SH2D4A: variants seen among roughly 807,000 people sequenced by gnomAD.
The protein encoded by SH2D4A is SH2 domain containing 4A.
In SH2D4A, 70 loss-of-function variants were observed where a neutral mutation model predicts 64.7. The observed-to-expected ratio is 1.08, with a 90% CI of 0.89 to 1.32. SH2D4A has a LOEUF of 1.32. Ranked by LOEUF, SH2D4A falls within the 40% of genes most tolerant of loss-of-function variation. The probability of loss-of-function intolerance (pLI) is 0.00; values close to 1 mark genes in which losing one functional copy is unlikely to be tolerated. For synonymous variants in SH2D4A, 268 were observed against 200.7 expected, an observed-to-expected ratio of 1.34 and a Z score of -2.83; for missense variants, 706 against 540.1, an observed-to-expected ratio of 1.31 and a Z score of -3.04.
intron 7 of SH2D4A, among the ~76,000 whole-genome samples, chr8:19,365,459 G>C (rs1317987833): frequency 6.6e-6 from 1 of 152,140 alleles, no homozygotes; most frequent in Admixed American, 6.5e-5. Context: ...AGGTGCACAC[G>C]GCTCTAAGTG....
chr8:19,379,554 A>G (rs545726169), intron 8 of SH2D4A, among the ~76,000 whole-genome samples: 13 of 152,304 alleles, frequency 8.5e-5, no homozygotes, highest in African/African-American at 3.1e-4. Context: ...TTTCAGGATT[A>G]TAGGGTAATT....
intron 8 of SH2D4A, among the ~76,000 whole-genome samples, chr8:19,378,930 A>T (rs1321785547): frequency 6.7e-6 from 1 of 150,364 alleles, no homozygotes; most frequent in Non-Finnish European, 1.5e-5. Context: ...AAAAAAAAAA[A>T]ATATTGCCAG....
At position 19,393,498 on chromosome 8, in the gene SH2D4A, A is replaced by G. The variant is rs769066076; in HGVS notation, c.1229A>G (p.Gln410Arg). The G allele has an allele frequency of 3.1e-6, 5 of 1,614,264 alleles. No homozygotes were observed. Among genetic ancestry groups the G allele is most frequent in the Non-Finnish European group, 4.2e-6 (5 of 1,180,054 alleles). ...GCCTACAGCTTCCTGGGCGTGGACC[A>G]GCTACAGCATGCCACCTTGGCGGAT... ...ADAYSFLGVD[Q>R]LQHATLADLV... The change falls in exon 9 of 10, where the codon CAG becomes CGG. Residue 410 changes from glutamine to arginine, a missense_variant. Physicochemically the swap from Gln to Arg is conservative, Grantham distance 43. Coordinates refer to ENST00000265807, the MANE Select transcript of SH2D4A (RefSeq NM_022071.4).
At position 19,373,624 on chromosome 8, in the gene SH2D4A, C is replaced by G. The variant is rs1192548584; in HGVS notation, c.1012C>G (p.Gln338Glu). 6.2e-7 allele frequency: 1 copy of G among 1,613,208 alleles called. No individual in the cohort carries two copies. The highest frequency in any genetic ancestry group is 2.2e-5 in the East Asian group (1 of 44,802). Reference protein sequence around the residue: ...EEQLPLRAGYQKTSDTIAPWF... With the variant: ...EEQLPLRAGYEKTSDTIAPWF... The stretch of plus-strand genomic sequence containing the variant: ...GCAGCTACCACTTCGAGCGGGCTAC[C>G]AGAAAACCTCAGACACCATAGCCCC... Residue 338 changes from glutamine to glutamate, a missense_variant, in exon 8 of 10, where the codon CAG becomes GAG. By Grantham distance (29) the Gln-to-Glu change is conservative. Coordinates refer to ENST00000265807, the MANE Select transcript of SH2D4A (RefSeq NM_022071.4).
At chr8:19,369,113 T>C (rs906243751) in intron 7 of SH2D4A, among the ~76,000 whole-genome samples, 5 of 152,186 alleles carry the variant, frequency 3.3e-5, no homozygotes, top group Admixed American at 1.3e-4. Context: ...TTTTATTCTG[T>C]TAATGTGATG....
At position 19,356,687 on chromosome 8, in the gene SH2D4A, T is replaced by C. The variant is rs189359165; in HGVS notation, c.514-516T>C. 7.9e-4 allele frequency among the ~76,000 whole-genome samples: 120 copies of C among 152,252 alleles called. 1 individual carries two copies. The highest frequency in any genetic ancestry group is 8.8e-4 in the Non-Finnish European group (60 of 68,018). ...CCATCTAGAGCAGGAGAAACATAGATACTGGGTGACAAGGGCAGGAAAAGA... is the reference window on the plus strand; with the variant it reads ...CCATCTAGAGCAGGAGAAACATAGACACTGGGTGACAAGGGCAGGAAAAGA... On this transcript the variant is annotated intron_variant, in intron 4 of 9. Coordinates refer to ENST00000265807, the MANE Select transcript of SH2D4A (RefSeq NM_022071.4).
intron 9 of SH2D4A, among the ~76,000 whole-genome samples, 168 bp from the exon 10 acceptor site, chr8:19,394,382 A>G (rs1023106673): frequency 6.6e-6 from 1 of 152,214 alleles, no homozygotes; most frequent in Non-Finnish European, 1.5e-5. Flanking sequence ...CTGAAGGGAA[A>G]GGAGTACCTG....
chr8:19,345,077 T>C (rs1385187908), intron 4 of SH2D4A, among the ~76,000 whole-genome samples: 1 of 152,236 alleles, frequency 6.6e-6, no homozygotes, highest in Non-Finnish European at 1.5e-5. Context: ...GCAGGTCTTT[T>C]GTTTTCTTAA....
chr8:19,321,821 G>A (rs925591468), intron 2 of SH2D4A, among the ~76,000 whole-genome samples: 10 of 152,168 alleles, frequency 6.6e-5, no homozygotes, highest in African/African-American at 2.4e-4. Flanking sequence ...TGCCACTAGA[G>A]TCAATGGCCC....
intron 3 of SH2D4A, among the ~76,000 whole-genome samples, chr8:19,333,758 G>C (rs1342707162): frequency 1.3e-5 from 2 of 152,140 alleles, no homozygotes; most frequent in Non-Finnish European, 2.9e-5. Context: ...GCATAGGTGG[G>C]AACCTATCAT....
At chr8:19,328,931 C>T (rs1268528439) in intron 2 of SH2D4A, among the ~76,000 whole-genome samples, 1 of 152,178 alleles carries the variant, frequency 6.6e-6, no homozygotes, top group African/African-American at 2.4e-5. Context: ...GGCTCAGCTG[C>T]AGTACAGGTC....
intron 6 of SH2D4A, among the ~76,000 whole-genome samples, chr8:19,363,403 A>G (rs567820980): frequency 6.6e-6 from 1 of 152,234 alleles, no homozygotes; most frequent in African/African-American, 2.4e-5. Flanking sequence ...TAGACACACA[A>G]ATACTCTTGT....
chr8:19,355,515 G>C (rs140800667), intron 4 of SH2D4A, among the ~76,000 whole-genome samples: 42 of 152,320 alleles, frequency 2.8e-4, no homozygotes, highest in African/African-American at 1.0e-3. Flanking sequence ...TCATTAGTTT[G>C]CCAAGGAATA....
intron 5 of SH2D4A, among the ~76,000 whole-genome samples, chr8:19,359,249 G>A (rs1207114856): frequency 6.6e-6 from 1 of 152,088 alleles, no homozygotes; most frequent in Admixed American, 6.6e-5. Flanking sequence ...CTTTTCCACT[G>A]TGCATGTACA....
intron 6 of SH2D4A, among the ~76,000 whole-genome samples, chr8:19,363,004 A>G (rs2153648504): frequency 6.6e-6 from 1 of 152,196 alleles, no homozygotes; most frequent in South Asian, 2.1e-4. Flanking sequence ...TAAGTGCCTT[A>G]TGTAGAGGCA....
At chr8:19,353,050 C>G (rs1490884380) in intron 4 of SH2D4A, among the ~76,000 whole-genome samples, 1 of 152,086 alleles carries the variant, frequency 6.6e-6, no homozygotes, top group Admixed American at 6.6e-5. Flanking sequence ...GTTACCTTAC[C>G]TCTTTGGTAA....
At chr8:19,369,085 G>T (rs1214344319) in intron 7 of SH2D4A, among the ~76,000 whole-genome samples, 1 of 152,032 alleles carries the variant, frequency 6.6e-6, no homozygotes, top group Non-Finnish European at 1.5e-5. Flanking sequence ...CTGTTGAGAT[G>T]ATCTTGTGGT....
chr8:19,347,162 A>G (rs2052626216), intron 4 of SH2D4A, among the ~76,000 whole-genome samples: 1 of 152,198 alleles, frequency 6.6e-6, no homozygotes, highest in African/African-American at 2.4e-5. Flanking sequence ...TCCATGGATC[A>G]CAGCGAACAC....
intron 1 of SH2D4A, among the ~76,000 whole-genome samples, chr8:19,318,075 A>G (rs1216956255): frequency 1.3e-5 from 2 of 151,504 alleles, no homozygotes; most frequent in Non-Finnish European, 2.9e-5. Flanking sequence ...TAATTTCTGT[A>G]TTTTTTGTTT....
Sources: allele counts gnomAD v4.1 joint callset (sites outside exome capture counted in the v4.1 genomes callset), GRCh38; gene constraint gnomAD v4.1.1; transcripts MANE v1.5; gene names NCBI Gene and HGNC (gene_info 2026-07-23, HGNC 2026-07-21).